The following FAT1 variants were observed in gnomAD, a reference collection of about 807,000 sequenced individuals.
The protein encoded by FAT1 is protocadherin Fat 1.
In FAT1, 171 loss-of-function variants were observed where a neutral mutation model predicts 329.8. That is an observed-to-expected ratio of 0.52 (90% CI 0.46 to 0.59). The LOEUF is 0.59. Among genes scored for constraint, FAT1 ranks in the 20% least tolerant of loss-of-function variants. The pLI, the probability that FAT1 is intolerant of heterozygous loss-of-function variation, is 0.00. For missense variants in FAT1, 5,672 were observed against 5,774.4 expected, an observed-to-expected ratio of 0.98 and a Z score of 0.57; for synonymous variants, 2,233 against 2,228.6, an observed-to-expected ratio of 1.00 and a Z score of -0.06.
At position 186,690,088 on chromosome 4, in the gene FAT1, C is replaced by T. The variant is rs187192265; in HGVS notation, c.3265+16475G>A. Among the ~76,000 whole-genome samples the T allele has an allele frequency of 9.2e-5, 14 of 152,274 alleles. No individual in the cohort carries two copies. The East Asian group carries it at 2.7e-3, about 29-fold the overall frequency. On this transcript the variant is annotated intron_variant, in intron 2 of 26. Transcript: ENST00000441802. ...CAAATAAACAAAAAACATGTTACTG[C>T]ATTGCGTTACAGAAAAGTGTAGTAG...
intron 2 of FAT1, among the ~76,000 whole-genome samples, chr4:186,664,389 T>C (rs1344778181): frequency 6.6e-6 from 1 of 151,964 alleles, no homozygotes; most frequent in African/African-American, 2.4e-5. Flanking sequence ...TAAATACCAG[T>C]ATCCGCAGCA....
intron 11 of FAT1, among the ~76,000 whole-genome samples, chr4:186,615,495 CA>C (rs1739668137): frequency 6.6e-6 from 1 of 152,190 alleles, no homozygotes; most frequent in Non-Finnish European, 1.5e-5. Context: ...TCCTCCCTGT[CA>C]CTCTCAGCCT....
chr4:186,601,987 A>G (rs926128723), intron 20 of FAT1, among the ~76,000 whole-genome samples: 2 of 152,216 alleles, frequency 1.3e-5, no homozygotes, highest in African/African-American at 2.4e-5. Flanking sequence ...TACACAAGTA[A>G]CTCTACACAT....
At position 186,595,834 on chromosome 4, in the gene FAT1, G is replaced by A. The variant is rs922222190; in HGVS notation, c.13001-8C>T. The A allele has an allele frequency of 3.7e-6, 6 of 1,613,794 alleles. No individual in the cohort carries two copies. The Admixed American group carries it at 8.3e-5, about 22-fold the overall frequency. On this transcript the variant is annotated splice_region_variant and splice_polypyrimidine_tract_variant and intron_variant, in intron 25 of 26. Transcript: ENST00000441802. ...CAAGATCCACCACTTTTGCTAAAAG[G>A]AAGGATGACAAACAGTAAGTATATG...
chr4:186,607,248 G>C (rs906234682), intron 16 of FAT1, among the ~76,000 whole-genome samples: 1 of 151,938 alleles, frequency 6.6e-6, no homozygotes, highest in Non-Finnish European at 1.5e-5. Context: ...CAAATCGAAG[G>C]CTTCTTTTGG....
At chr4:186,675,729 G>A (rs1480262161) in intron 2 of FAT1, among the ~76,000 whole-genome samples, 1 of 151,476 alleles carries the variant, frequency 6.6e-6, no homozygotes, top group African/African-American at 2.4e-5. Flanking sequence ...GTGACAGAGT[G>A]AGACCCTGTC....
chr4:186,615,740 C>G (rs1739680659), intron 11 of FAT1, among the ~76,000 whole-genome samples: 1 of 152,014 alleles, frequency 6.6e-6, no homozygotes, highest in Admixed American at 6.6e-5. Flanking sequence ...AGCTCAGCTC[C>G]CTTCTCCCTT....
In FAT1 at chr4:186,723,674, G is replaced by T. The variant is rs1036751469; in HGVS notation, c.-29C>A. On this transcript the variant is annotated 5_prime_UTR_variant, in exon 1 of 27. Coordinates refer to ENST00000441802, the MANE Select transcript of FAT1 (RefSeq NM_005245.4). ...CCCCAGCGAACTAACCGCAAAGTTGGCCCGAAGTGGCGACGGCGCTCTCGT... is the reference window on the plus strand; with the variant it reads ...CCCCAGCGAACTAACCGCAAAGTTGTCCCGAAGTGGCGACGGCGCTCTCGT... 1 of 151,218 alleles carries T rather than the reference G, an allele frequency of 6.6e-6. No homozygotes were observed. 9.4% of individuals were successfully genotyped at this position (151,218 alleles called of 1,614,324 possible).
Position 186,588,201 on chromosome 4 carries a change from A to G in FAT1, c.*391T>C, listed in dbSNP as rs771212446. On this transcript the variant is annotated 3_prime_UTR_variant, in exon 27 of 27. Coordinates refer to ENST00000441802, the MANE Select transcript of FAT1 (RefSeq NM_005245.4). ...AAATTCAGTTGAAACAAATGCACAAAATATCTTGGAAATCTAGTTAAAACT... is the reference window on the plus strand; with the variant it reads ...AAATTCAGTTGAAACAAATGCACAAGATATCTTGGAAATCTAGTTAAAACT... The G allele has an allele frequency of 2.5e-5, 6 of 239,528 alleles. No homozygotes were observed. The highest frequency in any genetic ancestry group is 4.9e-5 in the Non-Finnish European group (6 of 121,650). 14.8% of individuals were successfully genotyped at this position (239,528 alleles called of 1,614,324 possible). A position where few individuals can be genotyped will look rare whatever the true frequency, so the allele number is the denominator to read the frequency against.
rs750699757 is a variant in FAT1, at chr4:186,621,729, A to C, written c.4857T>G (p.Ile1619Met). The change falls in exon 10 of 27, where the codon ATT becomes ATG. Residue 1619 changes from isoleucine (I) to methionine (M), a missense_variant. By Grantham distance (10) the Ile-to-Met change is conservative. Coordinates refer to ENST00000441802, the MANE Select transcript of FAT1 (RefSeq NM_005245.4). ...TTCGATCTAATTCTTTGGCAGTTTT[A>C]ATAGAGCCCAAGACAGGATCAATCA... ...SFMIDPVLGSIKTAKELDRSN... is the reference protein window; with the variant it reads ...SFMIDPVLGSMKTAKELDRSN... 3.2e-5 allele frequency: 52 copies of C among 1,611,342 alleles called. 1 individual carries two copies. In the South Asian group the frequency reaches 5.6e-4, roughly 17 times the overall value.
intron 1 of FAT1, among the ~76,000 whole-genome samples, chr4:186,715,602 G>C (rs954915695): frequency 1.3e-5 from 2 of 152,156 alleles, no homozygotes; most frequent in African/African-American, 4.8e-5. Context: ...AGCGGGGAGA[G>C]ACTCCAACAC....
intron 2 of FAT1, among the ~76,000 whole-genome samples, chr4:186,703,089 G>A (rs1444080539): frequency 2.0e-5 from 3 of 152,080 alleles, no homozygotes; most frequent in African/African-American, 7.2e-5. Context: ...GGGCAGTCAC[G>A]TGGCATGGAT....
chr4:186,647,361 G>C (rs1741430496), intron 3 of FAT1, among the ~76,000 whole-genome samples: 1 of 152,138 alleles, frequency 6.6e-6, no homozygotes, highest in Non-Finnish European at 1.5e-5. Flanking sequence ...TTATTTTTAA[G>C]ATATCTGAGG....
rs187059345 is a variant in FAT1 at position 186,660,108 on chromosome 4, G to A, written c.3580+3191C>T. On this transcript the variant is annotated intron_variant, in intron 3 of 26. Coordinates refer to ENST00000441802, the MANE Select transcript of FAT1 (RefSeq NM_005245.4). The stretch of plus-strand genomic sequence containing the variant: ...AGCCCAGTGATTTCCTTGCTCAGCC[G>A]TTAATCATTAAGTAACACGATTTAG... Among the ~76,000 whole-genome samples the A allele has an allele frequency of 3.2e-3, 488 of 152,280 alleles. 1 individual carries two copies. The highest frequency in any genetic ancestry group is 4.9e-3 in the Non-Finnish European group (336 of 68,014).
In FAT1 at chr4:186,588,374, A is replaced by C. The variant is rs1355454663; in HGVS notation, c.*218T>G. The C allele has an allele frequency of 1.8e-6, 1 of 550,610 alleles. No homozygotes were observed. The highest frequency in any genetic ancestry group is 3.1e-6 in the Non-Finnish European group (1 of 319,216). 34.1% of individuals were successfully genotyped at this position (550,610 alleles called of 1,614,324 possible). On this transcript the variant is annotated 3_prime_UTR_variant, in exon 27 of 27. Transcript: ENST00000441802. ...TTTAACACAGACAGATGTAAATCCC[A>C]AAAGACGTTGGGAAATGGCACAGCC...
At chr4:186,696,853 G>A (rs911718653) in intron 2 of FAT1, among the ~76,000 whole-genome samples, 3 of 152,060 alleles carry the variant, frequency 2.0e-5, no homozygotes, top group Non-Finnish European at 2.9e-5. Flanking sequence ...GCAAAAACTC[G>A]TCTCTAGTAA....
chr4:186,690,019 A>T (rs1743679610), intron 2 of FAT1, among the ~76,000 whole-genome samples: 1 of 152,214 alleles, frequency 6.6e-6, no homozygotes, highest in Admixed American at 6.5e-5. Flanking sequence ...CCCCTTCCTC[A>T]GTTACTATTC....
In FAT1 at chr4:186,620,069, T is replaced by G; in HGVS notation, c.6517A>C (p.Thr2173Pro). 2 of 1,614,042 alleles carry G rather than the reference T, an allele frequency of 1.2e-6. No homozygotes were observed. Among genetic ancestry groups the G allele is most frequent in the Non-Finnish European group, 1.7e-6 (2 of 1,179,894 alleles). ...AFSAEVIVPI[T>P]VMNKAMPVFE... Reference sequence around the variant, plus strand: ...ACAGGCATGGCTTTATTCATGACAGTGATCGGAACGATAACTTCCGCTGAA... The same window carrying G: ...ACAGGCATGGCTTTATTCATGACAGGGATCGGAACGATAACTTCCGCTGAA... Residue 2173 changes from threonine (T) to proline (P), a missense_variant, in exon 10 of 27, where the codon ACT (threonine) becomes CCT (proline). By Grantham distance (38) the Thr-to-Pro change is conservative (BLOSUM62 -1). This residue lies in a region of FAT1 where 3,966 missense variants were observed against 3,915.2 expected (regional missense o/e 1.01). Transcript: ENST00000441802.
chr4:186,595,324 AGT>A (rs1738448868), intron 26 of FAT1, among the ~76,000 whole-genome samples: 1 of 151,718 alleles, frequency 6.6e-6, no homozygotes, highest in Admixed American at 6.6e-5. Flanking sequence ...TGTGAGAGAG[AGT>A]GTGTGTTTGT....
Sources: gnomAD v4.1 joint callset for allele counts (sites outside exome capture counted in the v4.1 genomes callset) on GRCh38, gnomAD v4.1.1 for gene constraint, gnomAD v4.1.1 regional missense constraint, MANE v1.5 for transcripts, NCBI Gene and HGNC (gene_info 2026-07-23, HGNC 2026-07-21) for gene names.